ZBTB7C: variants seen among roughly 807,000 people sequenced by gnomAD.
ZBTB7C encodes zinc finger and BTB domain-containing protein 7C.
Under a neutral mutation model 25.7 loss-of-function variants are expected in ZBTB7C, and 8 were observed. The ratio of observed to expected loss-of-function variants is 0.31; its 90% CI spans 0.18 to 0.56. ZBTB7C has a LOEUF of 0.56. ZBTB7C is among the 20% of genes least tolerant of loss of function. The probability of loss-of-function intolerance (pLI) is 0.91; values close to 1 mark genes in which losing one functional copy is unlikely to be tolerated. For synonymous variants in ZBTB7C, 394 were observed against 369.0 expected (o/e 1.07, Z -0.78); for missense variants, 824 against 855.2 (o/e 0.96, Z 0.46).
chr18:48,323,403 T>C (rs2046143498), intron 2 of ZBTB7C, among the ~76,000 whole-genome samples: 2 of 152,182 alleles, frequency 1.3e-5, no homozygotes, highest in Non-Finnish European at 2.9e-5. Flanking sequence ...ATTTTACAGC[T>C]GGAGAAATTG....
At chr18:48,286,233 CGTGTGTGTGTGT>C (rs59121430) in intron 2 of ZBTB7C, among the ~76,000 whole-genome samples, 60 of 145,574 alleles carry the variant, frequency 4.1e-4, no homozygotes, top group Non-Finnish European at 1.2e-4. Context: ...AAGAGGTGTG[CGTGTGTGTGTGT>C]GTGTGTGTGT....
chr18:48,402,490 A>C (rs922697812), intron 1 of ZBTB7C, among the ~76,000 whole-genome samples: 15 of 152,192 alleles, frequency 9.9e-5, no homozygotes, highest in African/African-American at 3.6e-4. Context: ...GTTTCTAAGC[A>C]CATTCACAAT....
intron 3 of ZBTB7C, among the ~76,000 whole-genome samples, chr18:48,103,418 C>T (rs539826198): frequency 1.3e-5 from 2 of 152,178 alleles, no homozygotes; most frequent in South Asian, 4.2e-4. Flanking sequence ...TAGAGTAGGA[C>T]AAAGACGGAG....
intron 3 of ZBTB7C, among the ~76,000 whole-genome samples, chr18:48,141,565 G>T (rs557898929): frequency 6.6e-6 from 1 of 151,398 alleles, no homozygotes; most frequent in South Asian, 2.1e-4. Context: ...TGAACTGGGC[G>T]GGGGGGAAAG....
chr18:48,374,816 C>T (rs1297490251), intron 1 of ZBTB7C, among the ~76,000 whole-genome samples: 1 of 152,194 alleles, frequency 6.6e-6, no homozygotes, highest in African/African-American at 2.4e-5. Flanking sequence ...ACATGCCTTC[C>T]CTGTACCCAC....
chr18:48,250,455 G>A (rs1456006582), intron 2 of ZBTB7C, among the ~76,000 whole-genome samples: 1 of 152,162 alleles, frequency 6.6e-6, no homozygotes, highest in Non-Finnish European at 1.5e-5. Context: ...GTCAAGTGAA[G>A]GGAACACTGC....
chr18:48,236,600 G>A (rs2043386267), intron 2 of ZBTB7C, among the ~76,000 whole-genome samples: 1 of 152,210 alleles, frequency 6.6e-6, no homozygotes. Flanking sequence ...GTGGGAGGAG[G>A]AGGATTTCAA....
chr18:48,067,474 T>G (rs1375546900), intron 3 of ZBTB7C, among the ~76,000 whole-genome samples: 2 of 152,144 alleles, frequency 1.3e-5, no homozygotes, highest in African/African-American at 4.8e-5. Context: ...TAGAGGAGAT[T>G]AACATTTAAA....
chr18:48,081,992 G>A (rs754922036), intron 3 of ZBTB7C, among the ~76,000 whole-genome samples: 1 of 150,614 alleles, frequency 6.6e-6, no homozygotes, highest in African/African-American at 2.5e-5. Flanking sequence ...TTTTTGTAAT[G>A]TGACTATGAG....
chr18:48,110,956 G>A (rs1003069707), intron 3 of ZBTB7C, among the ~76,000 whole-genome samples: 3 of 152,190 alleles, frequency 2.0e-5, no homozygotes, highest in Non-Finnish European at 4.4e-5. Flanking sequence ...CAATCAATGA[G>A]TAGGTCATGT....
At chr18:48,207,067 G>A (rs1247532013) in intron 2 of ZBTB7C, among the ~76,000 whole-genome samples, 3 of 152,096 alleles carry the variant, frequency 2.0e-5, no homozygotes, top group Non-Finnish European at 4.4e-5. Flanking sequence ...AGAGGATATC[G>A]AAATGGTGAA....
chr18:48,069,329 C>G (rs2037456474), intron 3 of ZBTB7C, among the ~76,000 whole-genome samples: 1 of 152,186 alleles, frequency 6.6e-6, no homozygotes, highest in Admixed American at 6.5e-5. Flanking sequence ...CAGCTGACAC[C>G]CTCTCCCTTT....
intron 1 of ZBTB7C, among the ~76,000 whole-genome samples, chr18:48,396,807 A>C (rs1009840557): frequency 6.6e-6 from 1 of 152,200 alleles, no homozygotes; most frequent in Admixed American, 6.5e-5. Flanking sequence ...TCTTATGCTG[A>C]ACCACGAGCC....
intron 3 of ZBTB7C, among the ~76,000 whole-genome samples, chr18:48,067,634 G>A (rs2037379614): frequency 6.6e-6 from 1 of 152,164 alleles, no homozygotes; most frequent in Admixed American, 6.5e-5. Flanking sequence ...ACTCTCCCGT[G>A]GGTCTCCAGT....
chr18:48,281,729 A>G (rs1259677548), intron 2 of ZBTB7C, among the ~76,000 whole-genome samples: 6 of 152,144 alleles, frequency 3.9e-5, no homozygotes, highest in African/African-American at 9.6e-5. Flanking sequence ...ATCACTGGCC[A>G]TCAGAGAAAT....
chr18:48,047,531 C>T (rs182786831), intron 3 of ZBTB7C, among the ~76,000 whole-genome samples: 18 of 152,124 alleles, frequency 1.2e-4, no homozygotes, highest in East Asian at 1.9e-4. Context: ...AGAATGCAGG[C>T]GGGTTGAAAC....
rs191964642 is a variant in ZBTB7C at position 48,391,619 on chromosome 18, G to A, written c.-304+17607C>T. Among the ~76,000 whole-genome samples the A allele has an allele frequency of 4.0e-4, 61 of 152,250 alleles. No individual in the cohort carries two copies. The East Asian group carries it at 9.8e-3, about 25-fold the overall frequency. On this transcript the variant is annotated intron_variant, in intron 1 of 4. Coordinates refer to ENST00000590800, the MANE Select transcript of ZBTB7C (RefSeq NM_001318841.2). ...TGATCCTCAGCTGTTAACAATCACT[G>A]CTTAAGTGAACCCTCCTTCTTTCTA...
At position 48,039,979 on chromosome 18, in the gene ZBTB7C, C is replaced by T. The variant is rs1301544192; in HGVS notation, c.1129G>A (p.Gly377Arg). The T allele has an allele frequency of 2.5e-6, 4 of 1,614,066 alleles. No individual in the cohort carries two copies. Among genetic ancestry groups the T allele is most frequent in the Admixed American group, 1.7e-5 (1 of 60,032 alleles). ...PICHKVIMGA[G>R]KLPRHMRTHT... The stretch of plus-strand genomic sequence containing the variant: ...GTCCTCATGTGCCGCGGCAGCTTCC[C>T]GGCCCCCATGATGACTTTGTGGCAG... The change falls in exon 4 of 5, where the codon GGG becomes AGG. Residue 377 changes from glycine to arginine, a missense_variant. Coordinates refer to ENST00000590800, the MANE Select transcript of ZBTB7C (RefSeq NM_001318841.2).
intron 2 of ZBTB7C, among the ~76,000 whole-genome samples, chr18:48,310,377 A>AT (rs1255264330): frequency 2.0e-5 from 3 of 151,324 alleles, no homozygotes; most frequent in African/African-American, 4.9e-5. Context: ...TTTCCAGGCT[A>AT]TGTGTGCAAG....
Sources: gnomAD v4.1 joint callset for allele counts (sites outside exome capture counted in the v4.1 genomes callset) on GRCh38, gnomAD v4.1.1 for gene constraint, MANE v1.5 for transcripts, NCBI Gene and HGNC (gene_info 2026-07-23, HGNC 2026-07-21) for gene names.